Variants in HTR3B observed in about 807,000 individuals in gnomAD.
HTR3B encodes 5-hydroxytryptamine (serotonin) receptor 3B, ionotropic.
Under a neutral mutation model 42.8 loss-of-function variants are expected in HTR3B, and 44 were observed. That is an observed-to-expected ratio of 1.03 (90% CI 0.81 to 1.32). HTR3B has a LOEUF of 1.32. Ranked by LOEUF, HTR3B falls within the 40% of genes most tolerant of loss-of-function variation. The pLI is 0.00. For missense variants in HTR3B, 527 were observed against 536.5 expected (o/e 0.98, Z 0.17); for synonymous variants, 203 against 209.0 (o/e 0.97, Z 0.25).
At chr11:113,905,182 T>C (rs1949726043) in intron 1 of HTR3B, among the ~76,000 whole-genome samples, 197 bp downstream of exon 1, 1 of 151,952 alleles carries the variant, frequency 6.6e-6, no homozygotes, top group Non-Finnish European at 1.5e-5. Context: ...CAAATACGTA[T>C]ACATATAGCA....
chr11:113,911,523 C>A (rs549715194), intron 2 of HTR3B, among the ~76,000 whole-genome samples: 113 of 151,852 alleles, frequency 7.4e-4, no homozygotes, highest in African/African-American at 2.5e-3. Flanking sequence ...AGCCACCACA[C>A]CCGGCTATTT....
upstream of HTR3B, among the ~76,000 whole-genome samples, chr11:113,902,301 T>TTTTTTTC (rs1445791412): frequency 1.2e-4 from 18 of 152,190 alleles, no homozygotes; most frequent in Non-Finnish European, 2.5e-4. Flanking sequence ...TTTTTTGTTT[T>TTTTTTTC]TTTTTTCTTT....
chr11:113,907,382 A>G (rs1230903491), intron 1 of HTR3B, among the ~76,000 whole-genome samples: 1 of 152,220 alleles, frequency 6.6e-6, no homozygotes, highest in African/African-American at 2.4e-5. Context: ...ATGGTCACTT[A>G]AATCCTTAAT....
At chr11:113,901,688 T>C (rs1217990707), upstream of HTR3B, among the ~76,000 whole-genome samples, 2 of 152,178 alleles carry the variant, frequency 1.3e-5, no homozygotes, top group East Asian at 3.8e-4. Context: ...GTTGTTAAGT[T>C]AGCTAATGAA....
intron 2 of HTR3B, among the ~76,000 whole-genome samples, chr11:113,912,698 C>T (rs909711767): frequency 5.9e-5 from 9 of 152,254 alleles, no homozygotes; most frequent in South Asian, 4.1e-4. Flanking sequence ...CACATCCCTG[C>T]CAACATTTGG....
Position 113,938,026 on chromosome 11 carries a change from G to A in HTR3B, c.696+4933G>A, listed in dbSNP as rs77799363. Among the ~76,000 whole-genome samples the A allele has an allele frequency of 4.7e-3, 720 of 152,122 alleles. 27 individuals are homozygous for A. In the East Asian group the frequency reaches 0.078, roughly 17 times the overall value. On this transcript the variant is annotated intron_variant, in intron 6 of 8. Coordinates refer to ENST00000260191, the MANE Select transcript of HTR3B (RefSeq NM_006028.5). ...GTGGTGTTCCTTGGCTGGTAGATGC[G>A]TTGCTCCCGTCTCTGCCTCCATCTT... is the stretch of plus-strand genomic sequence containing the variant.
At chr11:113,944,804 A>T in intron 8 of HTR3B, 49 bp downstream of exon 8, 2 of 1,567,990 alleles carry the variant, frequency 1.3e-6, no homozygotes, top group Non-Finnish European at 1.7e-6. Flanking sequence ...GATCACCTTA[A>T]AAATTCATTC....
chr11:113,929,955 A>G (rs1435945110), intron 2 of HTR3B, among the ~76,000 whole-genome samples: 1 of 152,034 alleles, frequency 6.6e-6, no homozygotes, highest in African/African-American at 2.4e-5. Context: ...GATGGTCTCC[A>G]TCTCCTGATC....
intron 2 of HTR3B, among the ~76,000 whole-genome samples, chr11:113,928,859 G>A (rs1259623630): frequency 6.6e-6 from 1 of 152,118 alleles, no homozygotes; most frequent in Non-Finnish European, 1.5e-5. Flanking sequence ...TCCTTTCTAA[G>A]GTTGAATAAT....
At chr11:113,931,674 A>T in intron 3 of HTR3B, 84 bp from the exon 4 acceptor site, 3 of 848,424 alleles carry the variant, frequency 3.5e-6, no homozygotes, top group Non-Finnish European at 6.0e-6. Context: ...AAATTGGATT[A>T]TTAATCCAAA....
At chr11:113,928,685 C>T (rs1007464767) in intron 2 of HTR3B, among the ~76,000 whole-genome samples, 8 of 151,968 alleles carry the variant, frequency 5.3e-5, no homozygotes, top group South Asian at 2.1e-4. Context: ...TACAGGTGTG[C>T]GCTACCACTC....
upstream of HTR3B, among the ~76,000 whole-genome samples, chr11:113,904,284 A>G (rs1949718072): frequency 6.6e-6 from 1 of 152,234 alleles, no homozygotes; most frequent in Non-Finnish European, 1.5e-5. Context: ...CTGAATTGTG[A>G]GCAGTGAAAA....
chr11:113,940,600 T>C (rs1488178232), intron 6 of HTR3B, among the ~76,000 whole-genome samples: 1 of 152,222 alleles, frequency 6.6e-6, no homozygotes, highest in Non-Finnish European at 1.5e-5. Context: ...CGCTCTGGTT[T>C]AGGTATTTGC....
upstream of HTR3B, among the ~76,000 whole-genome samples, chr11:113,900,558 A>T (rs1317811798): frequency 1.3e-5 from 2 of 152,028 alleles, no homozygotes; most frequent in African/African-American, 4.8e-5. Context: ...CAATGACGCA[A>T]TCTCGGCTCA....
intron 1 of HTR3B, among the ~76,000 whole-genome samples, chr11:113,906,661 G>A (rs1208025932): frequency 5.9e-5 from 9 of 152,212 alleles, no homozygotes; most frequent in Admixed American, 5.2e-4. Flanking sequence ...TAATCATGTA[G>A]CGTCATGATT....
At chr11:113,937,180 C>A (rs568054913) in intron 6 of HTR3B, among the ~76,000 whole-genome samples, 12 of 152,318 alleles carry the variant, frequency 7.9e-5, no homozygotes, top group Admixed American at 7.2e-4. Context: ...CAGTGTCTCA[C>A]TGAGCAGGTG....
At chr11:113,908,630 C>T (rs1949752668) in intron 1 of HTR3B, among the ~76,000 whole-genome samples, 1 of 152,198 alleles carries the variant, frequency 6.6e-6, no homozygotes, top group African/African-American at 2.4e-5. Flanking sequence ...GTCACAGCTC[C>T]TCTACAAATC....
intron 2 of HTR3B, among the ~76,000 whole-genome samples, chr11:113,928,975 T>C (rs1950004504): frequency 6.6e-6 from 1 of 152,230 alleles, no homozygotes. Flanking sequence ...GCTATGAACA[T>C]GTGTGTATAA....
Position 113,909,463 on chromosome 11 carries a change from C to T in HTR3B, c.213+8C>T, listed in dbSNP as rs1555106866. 1.2e-6 allele frequency: 2 copies of T among 1,609,882 alleles called. No individual in the cohort carries two copies. The highest frequency in any genetic ancestry group is 2.2e-5 in the South Asian group (2 of 90,722). On this transcript the variant is annotated splice_region_variant and intron_variant, in intron 2 of 8. Transcript: ENST00000260191. ...CATGCTATATTGGATGTGGTAAGGA[C>T]CATCTTGCCCCTTCCTATTCTTGTT...
Sources: allele counts gnomAD v4.1 joint callset (sites outside exome capture counted in the v4.1 genomes callset), GRCh38; gene constraint gnomAD v4.1.1; transcripts MANE v1.5; gene names NCBI Gene and HGNC (gene_info 2026-07-23, HGNC 2026-07-21).